SEMA3F: variants seen among roughly 807,000 people sequenced by gnomAD.
SEMA3F encodes the protein semaphorin-3F.
Under a neutral mutation model 98.5 loss-of-function variants are expected in SEMA3F, and 30 were observed. The observed-to-expected ratio is 0.30, with a 90% CI of 0.23 to 0.41. The LOEUF is 0.41. SEMA3F is among the 10% of genes least tolerant of loss of function. The pLI is 1.00. For missense variants in SEMA3F, 866 were observed against 1,119.3 expected (o/e 0.77, Z 3.23); for synonymous variants, 380 against 444.8 (o/e 0.85, Z 1.83).
intron 1 of SEMA3F, among the ~76,000 whole-genome samples, chr3:50,157,950 A>G (rs1351613305): frequency 6.6e-6 from 1 of 152,154 alleles, no homozygotes; most frequent in Non-Finnish European, 1.5e-5. Context: ...TTGCGCCAGG[A>G]CAGTATCTCC....
At chr3:50,164,014 A>G (rs1698311919) in intron 2 of SEMA3F, among the ~76,000 whole-genome samples, 1 of 152,208 alleles carries the variant, frequency 6.6e-6, no homozygotes, top group Non-Finnish European at 1.5e-5. Flanking sequence ...TGGAAGCTGC[A>G]CATCCCCCAA....
intron 2 of SEMA3F, among the ~76,000 whole-genome samples, chr3:50,169,084 C>T (rs969243667): frequency 3.3e-5 from 5 of 152,154 alleles, no homozygotes; most frequent in Non-Finnish European, 5.9e-5. Flanking sequence ...ACCAAGGGGG[C>T]GGGCTGCCCA....
upstream of SEMA3F, chr3:50,155,138 C>T (rs1251645927): frequency 7.5e-6 from 3 of 399,016 alleles, no homozygotes; most frequent in Admixed American, 4.2e-5. The surrounding 1 kb of genome is among the most constrained non-coding windows in gnomAD (Gnocchi z 4.9). Flanking sequence ...GAGCGCAGCG[C>T]AGGACCTGGG....
chr3:50,161,535 G>C (rs888923905), intron 2 of SEMA3F, among the ~76,000 whole-genome samples: 2 of 152,220 alleles, frequency 1.3e-5, no homozygotes, highest in African/African-American at 2.4e-5. Flanking sequence ...CGGTTGTGGC[G>C]GCCTGGGGTG....
intron 2 of SEMA3F, among the ~76,000 whole-genome samples, chr3:50,167,276 C>T (rs1299182756): frequency 1.3e-5 from 2 of 152,202 alleles, no homozygotes; most frequent in Non-Finnish European, 2.9e-5. Context: ...GTGCATGGAC[C>T]ATGGGGAAGG....
At chr3:50,164,473 C>G (rs780335732) in intron 2 of SEMA3F, among the ~76,000 whole-genome samples, 5 of 152,176 alleles carry the variant, frequency 3.3e-5, no homozygotes, top group Non-Finnish European at 5.9e-5. Context: ...CACCTCCGGC[C>G]CCTTGACTCC....
chr3:50,166,172 A>G lies in SEMA3F; in HGVS notation c.112+6438A>G, dbSNP rs1474460640. The stretch of plus-strand genomic sequence containing the variant: ...ACCCCTCTTGGCTTCCTACCCGGAC[A>G]TGCTCTTTCCTCGGACGTCTCTGTA... On this transcript the variant is annotated intron_variant, in intron 2 of 18. Transcript: ENST00000002829. This position sits in a 1 kb window ranked among gnomAD's most constrained non-coding sequence, Gnocchi z 4.7. 7.0e-6 allele frequency among the ~76,000 whole-genome samples: 1 copy of G among 142,982 alleles called. No homozygotes were observed. The highest frequency in any genetic ancestry group is 1.5e-5 in the Non-Finnish European group (1 of 66,738). The allele number at this position is 142,982 out of a possible 152,430, so 93.8% of individuals were successfully genotyped here. A position where few individuals can be genotyped will look rare whatever the true frequency, so the allele number is the denominator to read the frequency against.
At chr3:50,186,829 A>C in intron 18 of SEMA3F, 83 bp downstream of exon 18, 1 of 1,351,966 alleles carries the variant, frequency 7.4e-7, no homozygotes, top group South Asian at 1.7e-5. Flanking sequence ...ATCTGGAGCA[A>C]CTCTCATGCT....
At chr3:50,177,722 A>G (rs1698865717) in intron 7 of SEMA3F, among the ~76,000 whole-genome samples, 1 of 152,176 alleles carries the variant, frequency 6.6e-6, no homozygotes, top group African/African-American at 2.4e-5. Context: ...GTTAAAGACA[A>G]CTATTATTAA....
intron 10 of SEMA3F, 50 bp from the exon 11 acceptor site, chr3:50,183,136 A>G (rs761048632): frequency 1.9e-6 from 3 of 1,594,408 alleles, no homozygotes; most frequent in South Asian, 2.2e-5. Context: ...GGTGGGGCCC[A>G]GGGGCTCCCG....
chr3:50,183,600 C>T (rs892537312), intron 12 of SEMA3F, 36 bp downstream of exon 12: 8 of 1,607,282 alleles, frequency 5.0e-6, no homozygotes, highest in Non-Finnish European at 5.9e-6. Flanking sequence ...TCCCCTTTCT[C>T]TTCTTCTAAG....
chr3:50,186,442 G>T, intron 17 of SEMA3F, 94 bp downstream of exon 17: 1 of 1,439,304 alleles, frequency 6.9e-7, no homozygotes. Flanking sequence ...CTGTAAGGGT[G>T]CTCTGATGGC....
intron 2 of SEMA3F, among the ~76,000 whole-genome samples, chr3:50,169,525 G>T (rs1371274578): frequency 2.0e-5 from 3 of 152,198 alleles, no homozygotes; most frequent in Admixed American, 2.0e-4. Context: ...TGCCCAGCCT[G>T]GGTGAGAGTA....
chr3:50,164,165 G>C (rs1698316426), intron 2 of SEMA3F, among the ~76,000 whole-genome samples: 1 of 152,196 alleles, frequency 6.6e-6, no homozygotes, highest in Non-Finnish European at 1.5e-5. Flanking sequence ...TGGAGCTTCA[G>C]ATGGGACCTC....
In SEMA3F at chr3:50,186,108, TG is replaced by T. The variant is rs376155695; in HGVS notation, c.1745+67del. On this transcript the variant is annotated intron_variant, in intron 16 of 18. Coordinates refer to ENST00000002829, the MANE Select transcript of SEMA3F (RefSeq NM_004186.5). Reference sequence around the variant, plus strand: ...GTCCCAGGGCCCTATCCTAGGGGATTGGGGGTGCATGTGATATTACCCGGGG... The same window carrying T: ...GTCCCAGGGCCCTATCCTAGGGGATTGGGGTGCATGTGATATTACCCGGGG... 16 of 1,533,956 alleles carry T rather than the reference TG, an allele frequency of 1.0e-5. No homozygotes were observed. The African/African-American group carries it at 1.5e-4, about 14-fold the overall frequency.
chr3:50,175,558 C>T (rs900316332), intron 6 of SEMA3F, among the ~76,000 whole-genome samples: 1 of 152,240 alleles, frequency 6.6e-6, no homozygotes, highest in Non-Finnish European at 1.5e-5. Flanking sequence ...TGAGTGCAGT[C>T]TGACACCTTA....
intron 18 of SEMA3F, 59 bp from the exon 19 acceptor site, chr3:50,187,646 C>T: frequency 1.4e-6 from 2 of 1,454,160 alleles, no homozygotes; most frequent in South Asian, 1.4e-5. Context: ...GATCTGGTTG[C>T]TGGCTAGGGC....
chr3:50,170,096 AG>A (rs1232386977), intron 2 of SEMA3F, among the ~76,000 whole-genome samples: 1 of 152,102 alleles, frequency 6.6e-6, no homozygotes, highest in Non-Finnish European at 1.5e-5. Context: ...GGGCTGTCAC[AG>A]GGCTCCTTGT....
chr3:50,159,764 A>G, intron 2 of SEMA3F, 30 bp downstream of exon 2: 2 of 1,430,984 alleles, frequency 1.4e-6, no homozygotes, highest in South Asian at 2.3e-5. Flanking sequence ...TTCCCCAGAA[A>G]TCATCCTCTC....
Sources: gnomAD v4.1 joint callset for allele counts (sites outside exome capture counted in the v4.1 genomes callset) on GRCh38, gnomAD v4.1.1 for gene constraint, Gnocchi (gnomAD v3.1) non-coding constraint, MANE v1.5 for transcripts, NCBI Gene and HGNC (gene_info 2026-07-23, HGNC 2026-07-21) for gene names.